Variants in SPON1 observed in about 807,000 individuals in gnomAD.
SPON1 encodes the protein spondin-1.
In SPON1, 52 loss-of-function variants were observed where a neutral mutation model predicts 111.7. That is an observed-to-expected ratio of 0.47 (90% CI 0.37 to 0.59). SPON1 has a LOEUF of 0.59. SPON1 is among the 20% of genes least tolerant of loss of function. The pLI is 0.00. For synonymous variants in SPON1, 410 were observed against 395.8 expected, an observed-to-expected ratio of 1.04 and a Z score of -0.43; for missense variants, 957 against 1,068.5, an observed-to-expected ratio of 0.90 and a Z score of 1.46.
chr11:14,172,883 C>T (rs1158211384), intron 6 of SPON1, among the ~76,000 whole-genome samples: 4 of 152,048 alleles, frequency 2.6e-5, no homozygotes, highest in South Asian at 2.1e-4. Context: ...GATGGGCTTC[C>T]GTTTGTGGGT....
chr11:14,008,746 A>G (rs971921137), intron 2 of SPON1, among the ~76,000 whole-genome samples: 6 of 152,062 alleles, frequency 3.9e-5, no homozygotes, highest in African/African-American at 1.4e-4. Context: ...TAAATGGCCA[A>G]TCACCCCACC....
chr11:14,020,658 G>C (rs1350644244), intron 2 of SPON1, among the ~76,000 whole-genome samples: 1 of 152,196 alleles, frequency 6.6e-6, no homozygotes, highest in Admixed American at 6.5e-5. Context: ...AACAAAAAAA[G>C]AGGGGTGATT....
intron 2 of SPON1, among the ~76,000 whole-genome samples, chr11:14,010,104 T>C (rs1487016192): frequency 6.6e-6 from 1 of 152,186 alleles, no homozygotes; most frequent in Admixed American, 6.5e-5. Flanking sequence ...AATGGAATAA[T>C]GGCAAGGCTG....
chr11:14,092,219 C>T (rs1372899718), intron 5 of SPON1, among the ~76,000 whole-genome samples: 3 of 152,150 alleles, frequency 2.0e-5, no homozygotes, highest in South Asian at 2.1e-4. Flanking sequence ...AATATATCAG[C>T]GACTAACATG....
At chr11:14,261,178 TAAGAAAACCAGC>T (rs1229354613) in intron 14 of SPON1, among the ~76,000 whole-genome samples, 3 of 152,102 alleles carry the variant, frequency 2.0e-5, no homozygotes, top group East Asian at 1.9e-4. Flanking sequence ...TGCAGACTGG[TAAGAAAACCAGC>T]AAGAAAACAA....
At chr11:14,175,550 C>T (rs1269178654) in intron 6 of SPON1, among the ~76,000 whole-genome samples, 2 of 152,172 alleles carry the variant, frequency 1.3e-5, no homozygotes, top group African/African-American at 2.4e-5. Flanking sequence ...TTACAAAGTA[C>T]ACCAGATTTG....
chr11:14,247,896 G>A (rs1398241298), intron 7 of SPON1, among the ~76,000 whole-genome samples: 1 of 152,232 alleles, frequency 6.6e-6, no homozygotes, highest in African/African-American at 2.4e-5. Flanking sequence ...TCTGCACTGA[G>A]ATCTAAAATT....
intron 2 of SPON1, among the ~76,000 whole-genome samples, chr11:14,040,884 C>G (rs1351607797): frequency 6.6e-6 from 1 of 151,968 alleles, no homozygotes; most frequent in African/African-American, 2.4e-5. Flanking sequence ...AGGGAAATAC[C>G]ACAGGAGGCC....
chr11:14,169,983 T>C (rs1848078291), intron 6 of SPON1, among the ~76,000 whole-genome samples: 1 of 152,210 alleles, frequency 6.6e-6, no homozygotes, highest in African/African-American at 2.4e-5. Context: ...ATGTGAGCTC[T>C]TTTTTGGTTC....
chr11:14,175,028 A>G (rs1848158407), intron 6 of SPON1, among the ~76,000 whole-genome samples: 1 of 123,300 alleles, frequency 8.1e-6, no homozygotes, highest in South Asian at 3.0e-4. Context: ...GGAAATCAGA[A>G]GATAACCATG....
intron 6 of SPON1, among the ~76,000 whole-genome samples, chr11:14,166,006 A>G (rs1467973779): frequency 6.6e-6 from 1 of 152,188 alleles, no homozygotes; most frequent in Non-Finnish European, 1.5e-5. Context: ...AGGTCCCAAG[A>G]TAACTTGGGG....
chr11:14,011,873 G>T (rs956931216), intron 2 of SPON1, among the ~76,000 whole-genome samples: 1 of 152,318 alleles, frequency 6.6e-6, no homozygotes, highest in South Asian at 2.1e-4. Context: ...CAACATCTCA[G>T]ATTTGATTCC....
chr11:14,183,975 C>T (rs1321637321), intron 6 of SPON1, among the ~76,000 whole-genome samples: 2 of 152,180 alleles, frequency 1.3e-5, no homozygotes, highest in African/African-American at 2.4e-5. Context: ...AAATGCTATA[C>T]ATATGTTGAT....
Position 14,217,883 on chromosome 11 carries a change from C to A in SPON1, c.826-25449C>A, listed in dbSNP as rs114584404. 8.0e-3 allele frequency among the ~76,000 whole-genome samples: 1,211 copies of A among 152,288 alleles called. 14 individuals are homozygous for A. The highest frequency in any genetic ancestry group is 0.027 in the African/African-American group (1,136 of 41,556). On this transcript the variant is annotated intron_variant, in intron 6 of 15. Transcript: ENST00000576479. ...TATTTATTGAACCCTTACTATGTGG[C>A]AGACACTGTCTAGGTCAATGGTTCT...
At chr11:14,084,483 CT>C (rs1848989888) in intron 5 of SPON1, among the ~76,000 whole-genome samples, 1 of 152,096 alleles carries the variant, frequency 6.6e-6, no homozygotes, top group Admixed American at 6.5e-5. Flanking sequence ...TGAACTCATT[CT>C]TTTTTATGGC....
intron 5 of SPON1, among the ~76,000 whole-genome samples, chr11:14,096,225 C>T (rs1849099920): frequency 1.3e-5 from 2 of 152,280 alleles, no homozygotes; most frequent in South Asian, 2.1e-4. Context: ...AAGGAAAGTC[C>T]ATGATCACAT....
At position 14,075,322 on chromosome 11, in the gene SPON1, G is replaced by T. The variant is rs1240171454; in HGVS notation, c.480-23G>T. ...GCCTTCCTGCCCTCCTCACCACTGT[G>T]CTTGGGTCTTCTTTCTTCACAGGGC... On this transcript the variant is annotated intron_variant, in intron 3 of 15. Transcript: ENST00000576479. 2.6e-6 allele frequency: 4 copies of T among 1,548,754 alleles called. No individual in the cohort carries two copies. In the East Asian group the frequency reaches 9.7e-5, roughly 38 times the overall value.
chr11:14,178,339 G>A (rs1398110747), intron 6 of SPON1, among the ~76,000 whole-genome samples: 3 of 151,362 alleles, frequency 2.0e-5, no homozygotes, highest in Non-Finnish European at 4.4e-5. Flanking sequence ...GGAGAATGGC[G>A]TGAACACAGG....
intron 2 of SPON1, 128 bp downstream of exon 2, chr11:13,983,081 T>C: frequency 1.6e-6 from 1 of 638,116 alleles, no homozygotes; most frequent in South Asian, 1.9e-5. Flanking sequence ...GCAGGTCCAT[T>C]TGAAAGGGTC....
Sources: allele counts gnomAD v4.1 joint callset (sites outside exome capture counted in the v4.1 genomes callset), GRCh38; gene constraint gnomAD v4.1.1; transcripts MANE v1.5; gene names NCBI Gene and HGNC (gene_info 2026-07-23, HGNC 2026-07-21).